ARHGAP42: variants seen among roughly 807,000 people sequenced by gnomAD.
ARHGAP42 encodes Rho GTPase activating protein 42.
ARHGAP42 carries 63 observed loss-of-function variants against 125.0 expected under a neutral mutation model. That is an observed-to-expected ratio of 0.50 (90% CI 0.41 to 0.62). ARHGAP42 has a LOEUF of 0.62. Ranked by LOEUF, ARHGAP42 falls within the 20% of genes least tolerant of loss-of-function variation. ARHGAP42 has a pLI of 0.00. For synonymous variants in ARHGAP42, 339 were observed against 351.0 expected (o/e 0.97, Z 0.38); for missense variants, 766 against 1,024.2 (o/e 0.75, Z 3.44).
In ARHGAP42 at chr11:100,989,233, C is replaced by A. The variant is rs1451139742; in HGVS notation, c.*432C>A. 2.5e-6 allele frequency: 1 copy of A among 396,568 alleles called. No homozygotes were observed. Among genetic ancestry groups the A allele is most frequent in the South Asian group, 1.3e-4 (1 of 7,716 alleles). The allele number at this position is 396,568 out of a possible 1,614,324, so 24.6% of individuals were successfully genotyped here. On this transcript the variant is annotated 3_prime_UTR_variant, in exon 24 of 24. Coordinates refer to ENST00000298815, the MANE Select transcript of ARHGAP42 (RefSeq NM_152432.4). ...ACTTAAAAATGTAATTTAAATTGTT[C>A]ATTTATTGTTTTTTTTTTCTTAGAA...
At chr11:100,873,718 G>A (rs930443419) in intron 4 of ARHGAP42, among the ~76,000 whole-genome samples, 1 of 152,164 alleles carries the variant, frequency 6.6e-6, no homozygotes, top group South Asian at 2.1e-4. Flanking sequence ...AAATCCATGA[G>A]GTAGGGCCTA....
At chr11:100,918,305 T>C (rs1867132116) in intron 5 of ARHGAP42, among the ~76,000 whole-genome samples, 1 of 152,224 alleles carries the variant, frequency 6.6e-6, no homozygotes, top group Non-Finnish European at 1.5e-5. Context: ...GCTTAAATCT[T>C]TTCTCCTTGG....
intron 22 of ARHGAP42, among the ~76,000 whole-genome samples, chr11:100,984,352 C>A (rs565096279): frequency 7.5e-6 from 1 of 133,722 alleles, no homozygotes; most frequent in Non-Finnish European, 1.8e-5. Flanking sequence ...TTTTTAAGTT[C>A]TCTACTGATG....
intron 3 of ARHGAP42, among the ~76,000 whole-genome samples, chr11:100,822,372 A>T (rs1353351521): frequency 6.6e-6 from 1 of 152,072 alleles, no homozygotes; most frequent in Non-Finnish European, 1.5e-5. Context: ...GTGGTGGATT[A>T]TAGGGGTGGG....
intron 2 of ARHGAP42, among the ~76,000 whole-genome samples, chr11:100,785,114 G>A (rs1863402533): frequency 1.3e-5 from 2 of 152,158 alleles, no homozygotes; most frequent in Non-Finnish European, 2.9e-5. Context: ...AGGGAGGAGT[G>A]ATGATGAAAA....
intron 1 of ARHGAP42, among the ~76,000 whole-genome samples, chr11:100,706,202 A>ATT (rs1247217576): frequency 1.3e-5 from 2 of 152,134 alleles, no homozygotes; most frequent in Non-Finnish European, 2.9e-5. Flanking sequence ...TGTAAATAAA[A>ATT]TGGTTTTCAT....
intron 4 of ARHGAP42, among the ~76,000 whole-genome samples, chr11:100,861,258 G>A (rs1865439223): frequency 6.6e-6 from 1 of 152,160 alleles, no homozygotes; most frequent in Non-Finnish European, 1.5e-5. Context: ...TTCTTGGTCG[G>A]GGAGGGAAGA....
intron 1 of ARHGAP42, among the ~76,000 whole-genome samples, chr11:100,726,435 A>G (rs1449916410): frequency 6.6e-6 from 1 of 152,218 alleles, no homozygotes; most frequent in African/African-American, 2.4e-5. Context: ...TTGTTCAATA[A>G]TGGTAATAGA....
chr11:100,982,231 A>G (rs751527725), intron 22 of ARHGAP42, among the ~76,000 whole-genome samples: 5 of 152,200 alleles, frequency 3.3e-5, no homozygotes, highest in Non-Finnish European at 7.3e-5. Context: ...AGATCAGGAG[A>G]GGACACTGGT....
chr11:100,814,802 C>A lies in ARHGAP42; in HGVS notation c.312+19636C>A, dbSNP rs1591204035. Reference sequence around the variant, plus strand: ...CCACCTTCATGATCCAGTCCCTTCTCACTAGGCCTCACTTCCAACACTGGG... The same window carrying A: ...CCACCTTCATGATCCAGTCCCTTCTAACTAGGCCTCACTTCCAACACTGGG... On this transcript the variant is annotated intron_variant, in intron 3 of 23. Transcript: ENST00000298815. Among the ~76,000 whole-genome samples, 3 of 152,236 alleles carry A rather than the reference C, an allele frequency of 2.0e-5. No individual in the cohort carries two copies. In the East Asian group the frequency reaches 5.8e-4, roughly 29 times the overall value.
intron 4 of ARHGAP42, among the ~76,000 whole-genome samples, chr11:100,880,079 A>C (rs1865919824): frequency 6.6e-6 from 1 of 152,220 alleles, no homozygotes; most frequent in Admixed American, 6.5e-5. Flanking sequence ...GGCACAGAGC[A>C]ACACAGTATA....
chr11:100,747,016 G>A (rs1214676813), intron 1 of ARHGAP42, among the ~76,000 whole-genome samples: 1 of 152,160 alleles, frequency 6.6e-6, no homozygotes, highest in African/African-American at 2.4e-5. Context: ...GTCCTTCCCA[G>A]GCTGGCTTGA....
intron 1 of ARHGAP42, among the ~76,000 whole-genome samples, chr11:100,697,348 G>A (rs1861304264): frequency 6.6e-6 from 1 of 152,046 alleles, no homozygotes; most frequent in Admixed American, 6.6e-5. Flanking sequence ...ACGCCCGGCT[G>A]ATTTTTTGTA....
At chr11:100,802,679 C>T (rs1160505825) in intron 3 of ARHGAP42, among the ~76,000 whole-genome samples, 1 of 152,178 alleles carries the variant, frequency 6.6e-6, no homozygotes. Context: ...CCACCCGCCT[C>T]GGTCTCCCAA....
intron 22 of ARHGAP42, among the ~76,000 whole-genome samples, 189 bp from the exon 23 acceptor site, chr11:100,987,324 T>C (rs1020272114): frequency 1.3e-5 from 2 of 152,210 alleles, no homozygotes; most frequent in Admixed American, 1.3e-4. Flanking sequence ...CTAGTAATCC[T>C]TGATTTCTTG....
chr11:100,923,664 TC>T (rs1867341537), intron 6 of ARHGAP42, among the ~76,000 whole-genome samples: 1 of 152,274 alleles, frequency 6.6e-6, no homozygotes, highest in African/African-American at 2.4e-5. Flanking sequence ...TGTGTTTTCT[TC>T]CTTTTACCTT....
chr11:100,736,193 C>T (rs1862064380), intron 1 of ARHGAP42, among the ~76,000 whole-genome samples: 1 of 152,192 alleles, frequency 6.6e-6, no homozygotes, highest in South Asian at 2.1e-4. Flanking sequence ...CCTGAAGCCT[C>T]AGTGGGCTTG....
intron 4 of ARHGAP42, among the ~76,000 whole-genome samples, chr11:100,894,702 TTCC>T (rs1427407145): frequency 6.6e-6 from 1 of 152,192 alleles, no homozygotes; most frequent in Non-Finnish European, 1.5e-5. Flanking sequence ...TCTTCTTTCC[TTCC>T]TTATAGCCTT....
At chr11:100,947,413 G>C (rs777665007) in intron 10 of ARHGAP42, among the ~76,000 whole-genome samples, 4 of 151,742 alleles carry the variant, frequency 2.6e-5, no homozygotes, top group Non-Finnish European at 5.9e-5. Flanking sequence ...AACACATTCC[G>C]GTTATATAAC....
Sources: gnomAD v4.1 joint callset for allele counts (sites outside exome capture counted in the v4.1 genomes callset) on GRCh38, gnomAD v4.1.1 for gene constraint, MANE v1.5 for transcripts, NCBI Gene and HGNC (gene_info 2026-07-23, HGNC 2026-07-21) for gene names.